ASIC2: variants seen among roughly 807,000 people sequenced by gnomAD.
ASIC2 encodes the protein acid-sensing ion channel 2.
A neutral mutation model predicts 57.3 loss-of-function variants in ASIC2; 25 were observed. That is an observed-to-expected ratio of 0.44 (90% confidence interval 0.32 to 0.61). The LOEUF is 0.61. ASIC2 is among the 20% of genes least tolerant of loss of function. The probability of loss-of-function intolerance (pLI) is 0.06; values close to 1 mark genes in which losing one functional copy is unlikely to be tolerated. For synonymous variants in ASIC2, 319 were observed against 307.5 expected, an observed-to-expected ratio of 1.04 and a Z score of -0.39; for missense variants, 641 against 738.1, an observed-to-expected ratio of 0.87 and a Z score of 1.52.
chr17:33,131,876 G>A (rs972399014), intron 1 of ASIC2: 2 of 152,202 alleles, frequency 1.3e-5, no homozygotes, highest in African/African-American at 2.4e-5. Context: ...AATGGGACCC[G>A]AGAAGGGAAT....
At chr17:33,030,938 C>T (rs2091880470) in intron 3 of ASIC2, among the ~76,000 whole-genome samples, 1 of 152,086 alleles carries the variant, frequency 6.6e-6, no homozygotes, top group African/African-American at 2.4e-5. Flanking sequence ...TTTTTTGCAT[C>T]TATGTTTATG....
At chr17:33,575,797 C>G (rs552712055) in intron 1 of ASIC2, among the ~76,000 whole-genome samples, 2 of 152,232 alleles carry the variant, frequency 1.3e-5, no homozygotes, top group South Asian at 2.1e-4. Context: ...AGGCTATCAG[C>G]AAGCAGGGCC....
intron 1 of ASIC2, among the ~76,000 whole-genome samples, chr17:34,007,332 C>A (rs1177886956): frequency 6.6e-6 from 1 of 152,222 alleles, no homozygotes. Context: ...AGCAACTTCA[C>A]TGTTGCTAAA....
At chr17:33,356,755 G>A (rs1908390707) in intron 1 of ASIC2, among the ~76,000 whole-genome samples, 1 of 152,166 alleles carries the variant, frequency 6.6e-6, no homozygotes, top group African/African-American at 2.4e-5. Flanking sequence ...ATCTCATTAT[G>A]TAATTAGGTC....
intron 1 of ASIC2, among the ~76,000 whole-genome samples, chr17:33,512,578 G>A (rs1168080571): frequency 1.3e-5 from 2 of 152,214 alleles, no homozygotes; most frequent in Non-Finnish European, 2.9e-5. Context: ...TCAGAAGGGA[G>A]TGAATCCACC....
intron 3 of ASIC2, among the ~76,000 whole-genome samples, chr17:33,082,606 C>T (rs190142829): frequency 1.8e-4 from 27 of 152,062 alleles, no homozygotes; most frequent in African/African-American, 4.8e-4. Context: ...GGCTGAGGCA[C>T]GAGATTTGCT....
At chr17:33,545,745 A>G (rs1915556852) in intron 1 of ASIC2, among the ~76,000 whole-genome samples, 1 of 152,198 alleles carries the variant, frequency 6.6e-6, no homozygotes, top group African/African-American at 2.4e-5. Flanking sequence ...TTGCTCCTAT[A>G]AAAATCCAAA....
chr17:33,973,959 A>C (rs561091518), intron 1 of ASIC2, among the ~76,000 whole-genome samples: 1 of 151,882 alleles, frequency 6.6e-6, no homozygotes, highest in South Asian at 2.1e-4. Context: ...TCATCCTCCC[A>C]CCTGGTCCAG....
Position 33,152,721 on chromosome 17 carries a change from A to G in ASIC2, c.709-40654T>C, listed in dbSNP as rs554149833. Reference sequence around the variant, plus strand: ...GTTCTGCTACTGGGGAGAGCCTCAGAGGAAAGAATAAAACAGAATTCCCTG... The same window carrying G: ...GTTCTGCTACTGGGGAGAGCCTCAGGGGAAAGAATAAAACAGAATTCCCTG... On this transcript the variant is annotated intron_variant, in intron 1 of 9. Transcript: ENST00000225823. 7.7e-4 allele frequency among the ~76,000 whole-genome samples: 118 copies of G among 152,342 alleles called. 1 individual carries two copies. Among genetic ancestry groups the G allele is most frequent in the African/African-American group, 2.5e-3 (104 of 41,576 alleles).
chr17:33,560,153 G>A (rs1051864702), intron 1 of ASIC2, among the ~76,000 whole-genome samples: 1 of 152,190 alleles, frequency 6.6e-6, no homozygotes, highest in Admixed American at 6.5e-5. Context: ...GGTTGGCTGT[G>A]TTCACAGACA....
intron 1 of ASIC2, among the ~76,000 whole-genome samples, chr17:34,115,801 G>T (rs1344653447): frequency 6.6e-6 from 1 of 152,148 alleles, no homozygotes; most frequent in African/African-American, 2.4e-5. Flanking sequence ...GCTGTAACTT[G>T]ACCAACACTC....
intron 1 of ASIC2, among the ~76,000 whole-genome samples, chr17:33,388,302 A>G (rs916252405): frequency 6.6e-6 from 1 of 152,212 alleles, no homozygotes; most frequent in Non-Finnish European, 1.5e-5. Flanking sequence ...ACTTCAGCCT[A>G]GTAATACGTA....
At position 33,634,579 on chromosome 17, in the gene ASIC2, G is replaced by A. The variant is rs535015958; in HGVS notation, c.555+521399C>T. Among the ~76,000 whole-genome samples, 129 of 145,538 alleles carry A rather than the reference G, an allele frequency of 8.9e-4. No individual in the cohort carries two copies. In the South Asian group the frequency reaches 0.011, roughly 12 times the overall value. The stretch of plus-strand genomic sequence containing the variant: ...CGCCCAGGCTGGAGTGCAGTAGTGC[G>A]ATCTTGGCTCACTGCAAGCTCCGCC... On this transcript the variant is annotated intron_variant, in intron 1 of 9. Coordinates refer to the ASIC2 transcript ENST00000359872.
At chr17:33,268,115 G>A (rs1240588291) in intron 1 of ASIC2, among the ~76,000 whole-genome samples, 1 of 152,172 alleles carries the variant, frequency 6.6e-6, no homozygotes, top group Non-Finnish European at 1.5e-5. Flanking sequence ...TCCAGGGACA[G>A]CGCCCTGACC....
At chr17:33,446,096 G>A (rs572459023) in intron 1 of ASIC2, among the ~76,000 whole-genome samples, 9 of 151,910 alleles carry the variant, frequency 5.9e-5, no homozygotes, top group African/African-American at 1.9e-4. Flanking sequence ...CTACCACACC[G>A]CTGAAAGAGA....
rs138554045 is a variant in ASIC2, at chr17:33,187,292, C to T, written c.709-75225G>A. The stretch of plus-strand genomic sequence containing the variant: ...TTGGATTATGAAGTTTTGCCTCATC[C>T]GCCATATTCACCTGACCTCTCACCA... On this transcript the variant is annotated intron_variant, in intron 1 of 9. Transcript: ENST00000225823. Among the ~76,000 whole-genome samples the T allele has an allele frequency of 1.3e-3, 202 of 152,300 alleles. 1 individual carries two copies. The East Asian group carries it at 0.025, about 19-fold the overall frequency.
chr17:33,387,753 T>G (rs1376532503), intron 1 of ASIC2, among the ~76,000 whole-genome samples: 1 of 152,220 alleles, frequency 6.6e-6, no homozygotes, highest in African/African-American at 2.4e-5. Context: ...TAACTATAGT[T>G]AACAATACTT....
At chr17:33,366,209 A>G (rs977791005) in intron 1 of ASIC2, among the ~76,000 whole-genome samples, 11 of 152,246 alleles carry the variant, frequency 7.2e-5, no homozygotes, top group African/African-American at 2.7e-4. Flanking sequence ...TGATCTTAGT[A>G]ACTGTCAATT....
intron 1 of ASIC2, among the ~76,000 whole-genome samples, chr17:33,129,128 AT>A (rs2092335567): frequency 6.6e-6 from 1 of 152,238 alleles, no homozygotes. Context: ...TTCAGAGGCT[AT>A]GTAAAGTGAG....
Sources: allele counts gnomAD v4.1 joint callset (sites outside exome capture counted in the v4.1 genomes callset), GRCh38; gene constraint gnomAD v4.1.1; transcripts MANE v1.5; gene names NCBI Gene and HGNC (gene_info 2026-07-23, HGNC 2026-07-21).